Variants in NCAM1 observed in about 807,000 individuals in gnomAD.
The protein encoded by NCAM1 is neural cell adhesion molecule 1.
A neutral mutation model predicts 109.8 loss-of-function variants in NCAM1; 14 were observed. The ratio of observed to expected loss-of-function variants is 0.13; its 90% CI spans 0.08 to 0.20. The LOEUF is 0.20. Ranked by LOEUF, NCAM1 falls within the 10% of genes least tolerant of loss-of-function variation. The pLI, the probability that NCAM1 is intolerant of heterozygous loss-of-function variation, is 1.00. For synonymous variants in NCAM1, 418 were observed against 442.9 expected (o/e 0.94, Z 0.70); for missense variants, 774 against 1,109.9 (o/e 0.70, Z 4.30).
intron 9 of NCAM1, among the ~76,000 whole-genome samples, chr11:113,224,536 A>C (rs1245084076): frequency 6.6e-6 from 1 of 152,248 alleles, no homozygotes; most frequent in Non-Finnish European, 1.5e-5. Flanking sequence ...AAGGCAGCAG[A>C]AACCTCTGCA....
At chr11:113,100,714 A>G (rs1939835032) in intron 1 of NCAM1, among the ~76,000 whole-genome samples, 2 of 151,462 alleles carry the variant, frequency 1.3e-5, no homozygotes, top group South Asian at 4.2e-4. Context: ...TGGGGTTTTT[A>G]TGGGTAGAAG....
intron 1 of NCAM1, among the ~76,000 whole-genome samples, chr11:113,001,919 G>A (rs1370628708): frequency 7.9e-5 from 12 of 152,220 alleles, no homozygotes; most frequent in East Asian, 3.9e-4. Context: ...TTCCCTCCAC[G>A]TTGGCTTCAT....
At chr11:113,152,987 T>C (rs1453144849) in intron 1 of NCAM1, among the ~76,000 whole-genome samples, 1 of 152,178 alleles carries the variant, frequency 6.6e-6, no homozygotes, top group Non-Finnish European at 1.5e-5. Flanking sequence ...GCCAGACAGA[T>C]TCAATTGCTG....
intron 17 of NCAM1, among the ~76,000 whole-genome samples, chr11:113,262,668 C>A (rs530448741): frequency 2.0e-5 from 3 of 151,848 alleles, no homozygotes; most frequent in Non-Finnish European, 4.4e-5. Flanking sequence ...AATTTTTTTT[C>A]TTTTTATCTA....
chr11:113,098,919 T>C (rs1939735157), intron 1 of NCAM1, among the ~76,000 whole-genome samples: 1 of 152,228 alleles, frequency 6.6e-6, no homozygotes, highest in Non-Finnish European at 1.5e-5. Flanking sequence ...TTCCTGGAGA[T>C]AATTAAAACC....
At chr11:112,966,179 T>G (rs557745660) in intron 1 of NCAM1, among the ~76,000 whole-genome samples, 1 of 152,334 alleles carries the variant, frequency 6.6e-6, no homozygotes, top group African/African-American at 2.4e-5. Flanking sequence ...ATTTTACTGA[T>G]CTTAAAACTG....
chr11:113,196,777 T>C (rs1565492590), intron 1 of NCAM1, among the ~76,000 whole-genome samples: 1 of 152,240 alleles, frequency 6.6e-6, no homozygotes, highest in Non-Finnish European at 1.5e-5. Flanking sequence ...ATTCGTTTCC[T>C]ATTCACTTTC....
rs1951632624 is a variant in NCAM1 at position 112,997,704 on chromosome 11, A to T, written c.52+36040A>T. 2.0e-5 allele frequency among the ~76,000 whole-genome samples: 3 copies of T among 152,138 alleles called. No homozygotes were observed. The South Asian group carries it at 6.2e-4, about 32-fold the overall frequency. On this transcript the variant is annotated intron_variant, in intron 1 of 19. Transcript: ENST00000316851. ...ATGCATCAGAGGGACTTAAGACCTA[A>T]AGAAATTATTTAGGGCTGCTGCTTC... is the stretch of plus-strand genomic sequence containing the variant.
chr11:113,061,872 T>G (rs571588883), intron 1 of NCAM1, among the ~76,000 whole-genome samples: 3 of 152,318 alleles, frequency 2.0e-5, no homozygotes, highest in Admixed American at 6.5e-5. Context: ...CATATTTGAC[T>G]GTGTGTATTT....
chr11:113,067,085 T>C (rs1470910482), intron 1 of NCAM1, among the ~76,000 whole-genome samples: 1 of 152,072 alleles, frequency 6.6e-6, no homozygotes, highest in East Asian at 1.9e-4. Context: ...TAACATAGTT[T>C]GTTGTTACAT....
At chr11:113,169,402 T>C (rs1942916900) in intron 1 of NCAM1, among the ~76,000 whole-genome samples, 6 of 152,278 alleles carry the variant, frequency 3.9e-5, no homozygotes, top group Middle Eastern at 6.8e-3. Flanking sequence ...GAACATGAAC[T>C]GTGATTTGCC....
chr11:113,079,713 G>A (rs1442488429), intron 1 of NCAM1, among the ~76,000 whole-genome samples: 1 of 152,176 alleles, frequency 6.6e-6, no homozygotes, highest in Non-Finnish European at 1.5e-5. Flanking sequence ...TGGATGTCAT[G>A]CCATGATACC....
At chr11:113,055,990 T>TAG (rs1272770914) in intron 1 of NCAM1, among the ~76,000 whole-genome samples, 2 of 60,368 alleles carry the variant, frequency 3.3e-5, no homozygotes, top group Middle Eastern at 5.7e-3. Context: ...TATATATATA[T>TAG]ATATATATAT....
intron 1 of NCAM1, among the ~76,000 whole-genome samples, chr11:113,143,976 A>G (rs1163152564): frequency 6.6e-6 from 1 of 152,198 alleles, no homozygotes; most frequent in African/African-American, 2.4e-5. Context: ...GGCAAGTGAC[A>G]GCATATCTTT....
intron 1 of NCAM1, among the ~76,000 whole-genome samples, chr11:113,012,395 A>G (rs1461387875): frequency 6.6e-6 from 1 of 152,190 alleles, no homozygotes; most frequent in African/African-American, 2.4e-5. Flanking sequence ...AGATGCCAGT[A>G]TATCAGTGTT....
intron 1 of NCAM1, among the ~76,000 whole-genome samples, chr11:113,042,186 G>A (rs536559833): frequency 1.1e-4 from 17 of 152,110 alleles, no homozygotes; most frequent in Non-Finnish European, 2.2e-4. Flanking sequence ...TGCCTGAGAG[G>A]GACAGAGAAT....
At chr11:113,109,515 T>G (rs1480124856) in intron 1 of NCAM1, among the ~76,000 whole-genome samples, 1 of 152,178 alleles carries the variant, frequency 6.6e-6, no homozygotes, top group Non-Finnish European at 1.5e-5. Flanking sequence ...ATTCATTTAT[T>G]TCATTCTGAA....
At chr11:112,987,066 C>T (rs1226325551) in intron 1 of NCAM1, among the ~76,000 whole-genome samples, 3 of 152,092 alleles carry the variant, frequency 2.0e-5, no homozygotes, top group African/African-American at 7.2e-5. Flanking sequence ...GCTTTTGCTG[C>T]ATCCTATAAG....
At chr11:113,207,050 A>C (rs570512894) in intron 5 of NCAM1, among the ~76,000 whole-genome samples, 8 of 152,348 alleles carry the variant, frequency 5.3e-5, no homozygotes, top group African/African-American at 1.9e-4. Flanking sequence ...TTAATGAAAA[A>C]CAAAAATGCA....
Sources: allele counts gnomAD v4.1 joint callset (sites outside exome capture counted in the v4.1 genomes callset), GRCh38; gene constraint gnomAD v4.1.1; transcripts MANE v1.5; gene names NCBI Gene and HGNC (gene_info 2026-07-23, HGNC 2026-07-21).